The following LHFPL3 variants were observed in gnomAD, a reference collection of about 807,000 sequenced individuals.
LHFPL3 encodes the protein LHFPL tetraspan subfamily member 3, also known as LHFPL tetraspan subfamily member 3 protein.
A neutral mutation model predicts 19.3 loss-of-function variants in LHFPL3; 5 were observed. The ratio of observed to expected loss-of-function variants is 0.26; its 90% confidence interval spans 0.14 to 0.54. LHFPL3 has a LOEUF of 0.54. Ranked by LOEUF, LHFPL3 falls within the 20% of genes least tolerant of loss-of-function variation. The pLI, the probability that LHFPL3 is intolerant of heterozygous loss-of-function variation, is 0.94. For synonymous variants in LHFPL3, 133 were observed against 126.2 expected (o/e 1.05, Z -0.36); for missense variants, 249 against 307.4 (o/e 0.81, Z 1.42).
chr7:104,691,498 G>A lies in LHFPL3; in HGVS notation c.446-45177G>A, dbSNP rs552305083. On this transcript the variant is annotated intron_variant, in intron 1 of 2. Coordinates refer to ENST00000424859, the MANE Select transcript of LHFPL3 (RefSeq NM_199000.3). ...TCTAGGACATCCCTGAAGGACAGTG[G>A]CAAAGGGAAATCTTCCCAGTGGGCA... 4.6e-5 allele frequency among the ~76,000 whole-genome samples: 7 copies of A among 152,370 alleles called. No individual in the cohort carries two copies. The South Asian group carries it at 1.4e-3, about 32-fold the overall frequency.
intron 2 of LHFPL3, among the ~76,000 whole-genome samples, chr7:104,819,016 A>T (rs1191575259): frequency 1.3e-5 from 2 of 152,160 alleles, no homozygotes; most frequent in African/African-American, 4.8e-5. Context: ...ATGAGAATAT[A>T]AATCATGGCC....
intron 1 of LHFPL3, among the ~76,000 whole-genome samples, chr7:104,628,778 G>C (rs1791589912): frequency 6.6e-6 from 1 of 152,094 alleles, no homozygotes; most frequent in Non-Finnish European, 1.5e-5. Context: ...ACTAACGTTT[G>C]GTTCCTTTTT....
At chr7:104,512,172 C>G (rs547057279) in intron 1 of LHFPL3, among the ~76,000 whole-genome samples, 1 of 152,034 alleles carries the variant, frequency 6.6e-6, no homozygotes, top group East Asian at 1.9e-4. Context: ...CCAGACTGGT[C>G]TCAAAGTCCC....
chr7:104,670,402 C>T (rs1394893128), intron 1 of LHFPL3, among the ~76,000 whole-genome samples: 2 of 152,160 alleles, frequency 1.3e-5, no homozygotes, highest in Admixed American at 6.5e-5. Flanking sequence ...TTTACCCTTT[C>T]TAAACACTGT....
At chr7:104,376,187 A>T (rs1790710197) in intron 1 of LHFPL3, among the ~76,000 whole-genome samples, 1 of 152,216 alleles carries the variant, frequency 6.6e-6, no homozygotes, top group Non-Finnish European at 1.5e-5. Context: ...TCATCCATTC[A>T]TTAATTTACC....
chr7:104,517,048 G>T (rs1051755023), intron 1 of LHFPL3, among the ~76,000 whole-genome samples: 9 of 152,194 alleles, frequency 5.9e-5, no homozygotes, highest in Non-Finnish European at 5.9e-5. Context: ...AGGAACAAAA[G>T]ATTAAATGCC....
chr7:104,329,828 T>C (rs1021882657), intron 1 of LHFPL3, among the ~76,000 whole-genome samples: 5 of 152,216 alleles, frequency 3.3e-5, no homozygotes, highest in Admixed American at 2.6e-4. Flanking sequence ...GTAAGAAGAA[T>C]GTAGCTTAGA....
intron 1 of LHFPL3, among the ~76,000 whole-genome samples, chr7:104,457,276 C>T (rs12533287): frequency 4.0e-5 from 6 of 151,664 alleles, no homozygotes; most frequent in East Asian, 2.0e-4. Flanking sequence ...CCCATCCCCC[C>T]ACCCCACAAC....
intron 1 of LHFPL3, among the ~76,000 whole-genome samples, chr7:104,597,243 T>G (rs908183760): frequency 6.6e-6 from 1 of 152,244 alleles, no homozygotes; most frequent in Non-Finnish European, 1.5e-5. Context: ...ATAAATGTTC[T>G]TTCTTTTGCA....
rs1167618176 is a variant in LHFPL3 at position 104,723,722 on chromosome 7, C to CAAAAAAA, written c.446-12930_446-12924dup. The stretch of plus-strand genomic sequence containing the variant: ...GGGCGACAGAGCAAGACTATGTCTC[C>CAAAAAAA]AAAAAAAAAAAAAAAAAAAAAAAAA... On this transcript the variant is annotated intron_variant, in intron 1 of 2. Transcript: ENST00000424859. 3.6e-4 allele frequency among the ~76,000 whole-genome samples: 17 copies of CAAAAAAA among 46,942 alleles called. 1 individual carries two copies. Among genetic ancestry groups the CAAAAAAA allele is most frequent in the African/African-American group, 1.5e-3 (15 of 10,280 alleles). The allele number at this position is 46,942 out of a possible 152,430, so 30.8% of individuals were successfully genotyped here. A position where few individuals can be genotyped will look rare whatever the true frequency, so the allele number is the denominator to read the frequency against.
intron 1 of LHFPL3, among the ~76,000 whole-genome samples, chr7:104,663,962 A>G (rs1281384860): frequency 1.3e-5 from 2 of 152,226 alleles, no homozygotes; most frequent in Non-Finnish European, 2.9e-5. Context: ...AAGGTGATGT[A>G]CTAGCTAGCA....
At chr7:104,814,592 C>T (rs1486136243) in intron 2 of LHFPL3, among the ~76,000 whole-genome samples, 2 of 152,172 alleles carry the variant, frequency 1.3e-5, no homozygotes, top group African/African-American at 4.8e-5. Flanking sequence ...TCACTGGGGA[C>T]CTGCCCCGTT....
intron 1 of LHFPL3, among the ~76,000 whole-genome samples, chr7:104,732,889 G>A (rs183790152): frequency 6.0e-4 from 92 of 152,230 alleles, no homozygotes; most frequent in African/African-American, 9.9e-4. Flanking sequence ...TCTACACACC[G>A]CTTTAAATGT....
intron 1 of LHFPL3, among the ~76,000 whole-genome samples, chr7:104,430,113 C>A (rs542060141): frequency 6.1e-5 from 9 of 148,056 alleles, no homozygotes; most frequent in Admixed American, 1.3e-4. Flanking sequence ...TAGGAAAAAA[C>A]CAGTTAAAGA....
intron 2 of LHFPL3, among the ~76,000 whole-genome samples, chr7:104,789,350 A>G (rs1789979642): frequency 6.6e-6 from 1 of 152,158 alleles, no homozygotes; most frequent in African/African-American, 2.4e-5. Context: ...GACAGAGTTC[A>G]GGAAATAAGT....
chr7:104,651,724 A>C (rs1792037260), intron 1 of LHFPL3, among the ~76,000 whole-genome samples: 1 of 152,248 alleles, frequency 6.6e-6, no homozygotes, highest in African/African-American at 2.4e-5. Context: ...CTATGCCTCC[A>C]GCTTATACCA....
intron 2 of LHFPL3, chr7:104,786,490 G>A (rs972735374): frequency 2.0e-5 from 3 of 152,072 alleles, no homozygotes; most frequent in Non-Finnish European, 2.9e-5. Flanking sequence ...TGTTACCATA[G>A]AATCAACTTT....
intron 2 of LHFPL3, among the ~76,000 whole-genome samples, chr7:104,769,852 A>G (rs569038011): frequency 1.4e-3 from 100 of 73,044 alleles, no homozygotes; most frequent in Non-Finnish European, 2.4e-3. Context: ...CTATGCAGCC[A>G]TAAAAAAAGG....
At chr7:104,439,688 C>G (rs534161272) in intron 1 of LHFPL3, among the ~76,000 whole-genome samples, 15 of 152,072 alleles carry the variant, frequency 9.9e-5, no homozygotes, top group Admixed American at 7.9e-4. Flanking sequence ...AAAAAGTGAA[C>G]TTACTCAATT....
Sources: allele counts gnomAD v4.1 joint callset (sites outside exome capture counted in the v4.1 genomes callset), GRCh38; gene constraint gnomAD v4.1.1; transcripts MANE v1.5; gene names NCBI Gene and HGNC (gene_info 2026-07-23, HGNC 2026-07-21).